The following METTL24 variants were observed in gnomAD, a reference collection of about 807,000 sequenced individuals.
METTL24 encodes probable methyltransferase-like protein 24.
In METTL24, 29 loss-of-function variants were observed where a neutral mutation model predicts 32.7. The observed-to-expected ratio is 0.89, with a 90% confidence interval of 0.66 to 1.21. METTL24 has a LOEUF of 1.21. METTL24 is among the 50% of genes most tolerant of loss of function. METTL24 has a pLI of 0.00. For missense variants in METTL24, 439 were observed against 468.1 expected (o/e 0.94, Z 0.57); for synonymous variants, 163 against 179.5 (o/e 0.91, Z 0.73).
chr6:110,265,177 GA>G (rs1770832188), intron 4 of METTL24, among the ~76,000 whole-genome samples: 1 of 146,396 alleles, frequency 6.8e-6, no homozygotes, highest in Admixed American at 6.8e-5. Context: ...AAGAAAGAAA[GA>G]AAGAAAGAAA....
chr6:110,325,171 T>C (rs371308463), intron 1 of METTL24, among the ~76,000 whole-genome samples: 1 of 152,278 alleles, frequency 6.6e-6, no homozygotes, highest in African/African-American at 2.4e-5. Flanking sequence ...TTCACTGTCA[T>C]GGACCACTCA....
chr6:110,269,441 G>A (rs1168455344), intron 4 of METTL24, among the ~76,000 whole-genome samples: 2 of 152,076 alleles, frequency 1.3e-5, no homozygotes, highest in East Asian at 1.9e-4. Flanking sequence ...GCATTCCACT[G>A]ATGACTGCAA....
At chr6:110,264,565 A>C (rs543383679) in intron 4 of METTL24, among the ~76,000 whole-genome samples, 1 of 152,196 alleles carries the variant, frequency 6.6e-6, no homozygotes, top group Middle Eastern at 3.2e-3. Context: ...TCAGTGTGGC[A>C]ATTCCTCAGG....
chr6:110,332,936 A>G (rs1476961299), intron 1 of METTL24, among the ~76,000 whole-genome samples: 3 of 151,428 alleles, frequency 2.0e-5, no homozygotes, highest in Non-Finnish European at 4.4e-5. Flanking sequence ...AAGTGTGCCT[A>G]AGAAAGCAAA....
In METTL24 at chr6:110,294,726, T is replaced by A. The variant is rs553469909; in HGVS notation, c.786+4196A>T. On this transcript the variant is annotated intron_variant, in intron 4 of 4. Coordinates refer to ENST00000338882, the MANE Select transcript of METTL24 (RefSeq NM_001123364.3). ...AAAGAATCTAGAATGTTATTTCACA[T>A]AAATACTTATCAAAGGAGAGCTAGC... Among the ~76,000 whole-genome samples, 10 of 152,158 alleles carry A rather than the reference T, an allele frequency of 6.6e-5. No homozygotes were observed. In the South Asian group the frequency reaches 2.1e-3, roughly 32 times the overall value.
rs140751501 is a variant in METTL24, at chr6:110,288,400, G to A, written c.786+10522C>T. 3.8e-3 allele frequency among the ~76,000 whole-genome samples: 577 copies of A among 152,268 alleles called. 4 individuals carry two copies. The highest frequency in any genetic ancestry group is 0.013 in the African/African-American group (521 of 41,570). ...GGTGGTTCACATATACATTACATTT[G>A]AGAAATAATGGTGTTGAATATGATT... is the stretch of plus-strand genomic sequence containing the variant. On this transcript the variant is annotated intron_variant, in intron 4 of 4. Transcript: ENST00000338882.
chr6:110,288,082 G>T (rs1338090493), intron 4 of METTL24, among the ~76,000 whole-genome samples: 1 of 152,146 alleles, frequency 6.6e-6, no homozygotes, highest in Non-Finnish European at 1.5e-5. Flanking sequence ...TTCACACCAG[G>T]GTCTCAGGCT....
chr6:110,311,468 G>GTTTTTTTTTTTTTTTTTTTTTTTTTTTTT (rs1051868507), intron 3 of METTL24, among the ~76,000 whole-genome samples: 51 of 96,140 alleles, frequency 5.3e-4, no homozygotes, highest in Non-Finnish European at 7.6e-4. Flanking sequence ...TTCTTTCTTT[G>GTTTTTTTTTTTTTTTTTTTTTTTTTTTTT]TTTTTTTTTT....
chr6:110,295,746 C>CAGAGAAGTTGCTAT (rs138562404), intron 4 of METTL24, among the ~76,000 whole-genome samples: 5,269 of 145,860 alleles, frequency 0.036, 340 homozygotes, highest in African/African-American at 0.13. Context: ...TTAGCAACTT[C>CAGAGAAGTTGCTAT]CAGAGAAATG....
intron 4 of METTL24, among the ~76,000 whole-genome samples, chr6:110,296,855 C>T (rs1771429073): frequency 6.6e-6 from 1 of 152,140 alleles, no homozygotes; most frequent in Admixed American, 6.5e-5. Context: ...ACTGTCTGTA[C>T]ATACAGAAAA....
chr6:110,333,755 TATG>T (rs1024860187), intron 1 of METTL24, among the ~76,000 whole-genome samples: 26 of 152,358 alleles, frequency 1.7e-4, no homozygotes, highest in African/African-American at 5.8e-4. Context: ...ATTTTTAACC[TATG>T]TTACTTTGAA....
intron 1 of METTL24, among the ~76,000 whole-genome samples, chr6:110,346,506 T>TTC (rs888914524): frequency 2.0e-5 from 3 of 148,146 alleles, no homozygotes; most frequent in African/African-American, 7.4e-5. Flanking sequence ...CTCTCTCTCT[T>TTC]TTTTTTTTTT....
chr6:110,357,725 A>C, intron 1 of METTL24: 1 of 195,888 alleles, frequency 5.1e-6, no homozygotes, highest in East Asian at 1.1e-4. Context: ...GGCGACCCCC[A>C]AGTACTGGCT....
chr6:110,321,094 G>A lies in METTL24; in HGVS notation c.417+1680C>T, dbSNP rs531202838. On this transcript the variant is annotated intron_variant, in intron 2 of 4. Transcript: ENST00000338882. Reference sequence around the variant, plus strand: ...TCTACTAAAAATACAAAAATTAGTCGGGCATGGTGACAGGCTCCTGTAATC... The same window carrying A: ...TCTACTAAAAATACAAAAATTAGTCAGGCATGGTGACAGGCTCCTGTAATC... Among the ~76,000 whole-genome samples the A allele has an allele frequency of 1.2e-3, 179 of 152,136 alleles. 2 individuals carry two copies. The highest frequency in any genetic ancestry group is 4.0e-3 in the African/African-American group (167 of 41,504).
intron 3 of METTL24, among the ~76,000 whole-genome samples, chr6:110,314,838 C>T (rs775250616): frequency 1.3e-5 from 2 of 152,048 alleles, no homozygotes; most frequent in African/African-American, 2.4e-5. Context: ...TGGGTGCATG[C>T]CTGTGGTCCC....
At chr6:110,334,918 C>T (rs1003786574) in intron 1 of METTL24, among the ~76,000 whole-genome samples, 5 of 152,108 alleles carry the variant, frequency 3.3e-5, no homozygotes, top group African/African-American at 9.7e-5. Context: ...TTGCATGATT[C>T]TATATTTATA....
At chr6:110,313,184 C>T (rs189768511) in intron 3 of METTL24, among the ~76,000 whole-genome samples, 5 of 152,158 alleles carry the variant, frequency 3.3e-5, no homozygotes, top group East Asian at 3.9e-4. Context: ...TACCTACAGT[C>T]GACAACCATA....
intron 1 of METTL24, among the ~76,000 whole-genome samples, chr6:110,323,221 C>G (rs985806770): frequency 6.6e-6 from 1 of 152,198 alleles, no homozygotes; most frequent in South Asian, 2.1e-4. Context: ...TGTGCTCCTC[C>G]GGGAAAAGAA....
chr6:110,286,797 C>T (rs1771229702), intron 4 of METTL24, among the ~76,000 whole-genome samples: 1 of 152,122 alleles, frequency 6.6e-6, no homozygotes, highest in Non-Finnish European at 1.5e-5. Context: ...CGAGTGGGCA[C>T]AATCAGCTGC....
Sources: allele counts gnomAD v4.1 joint callset (sites outside exome capture counted in the v4.1 genomes callset), GRCh38; gene constraint gnomAD v4.1.1; transcripts MANE v1.5; gene names NCBI Gene and HGNC (gene_info 2026-07-23, HGNC 2026-07-21).